Variants in PDE9A observed in about 807,000 individuals in gnomAD.
The protein encoded by PDE9A is phosphodiesterase 9A, also known as high affinity cGMP-specific 3',5'-cyclic phosphodiesterase 9A.
A neutral mutation model predicts 87.4 loss-of-function variants in PDE9A; 60 were observed. The ratio of observed to expected loss-of-function variants is 0.69; its 90% CI spans 0.56 to 0.85. PDE9A has a LOEUF of 0.85. Among genes scored for constraint, PDE9A ranks in the 40% least tolerant of loss-of-function variants. The pLI is 0.00. For missense variants in PDE9A, 665 were observed against 779.0 expected (o/e 0.85, Z 1.74); for synonymous variants, 272 against 279.4 (o/e 0.97, Z 0.27).
rs373989278 is a variant in PDE9A at position 42,705,354 on chromosome 21, G to A, written c.262+6343G>A. On this transcript the variant is annotated intron_variant, in intron 4 of 19. Transcript: ENST00000291539. The surrounding 1 kb of genome is among the most constrained non-coding windows in gnomAD (Gnocchi z 4.3). ...CAATCACTTTTATTTGATGTAAGCC[G>A]CTCAAACTCAAAGAGTGTTGTTTTC... Among the ~76,000 whole-genome samples the A allele has an allele frequency of 1.3e-4, 20 of 152,116 alleles. No homozygotes were observed. Among genetic ancestry groups the A allele is most frequent in the African/African-American group, 3.6e-4 (15 of 41,418 alleles).
chr21:42,699,879 A>G (rs747076576), intron 4 of PDE9A, among the ~76,000 whole-genome samples: 16 of 152,230 alleles, frequency 1.1e-4, no homozygotes, highest in East Asian at 7.7e-4. Flanking sequence ...TTTCCATTTG[A>G]TTTTTATCAC....
rs376535293 is a variant in PDE9A at position 42,696,632 on chromosome 21, C to A, written c.219-2336C>A. Among the ~76,000 whole-genome samples, 1 of 152,172 alleles carries A rather than the reference C, an allele frequency of 6.6e-6. No homozygotes were observed. Among genetic ancestry groups the A allele is most frequent in the Non-Finnish European group, 1.5e-5 (1 of 68,012 alleles). ...GGATCCAAGAGGAGCCCAGCACACC[C>A]GGCTTCTCTGCTGCCCACCCTCCAC... On this transcript the variant is annotated intron_variant, in intron 3 of 19. Coordinates refer to ENST00000291539, the MANE Select transcript of PDE9A (RefSeq NM_002606.3). This position sits in a 1 kb window ranked among gnomAD's most constrained non-coding sequence, Gnocchi z 5.1.
At chr21:42,724,690 T>C (rs1253013482) in intron 4 of PDE9A, 2 of 679,782 alleles carry the variant, frequency 2.9e-6, no homozygotes, top group Admixed American at 1.3e-4. Flanking sequence ...GAGCGCAGCT[T>C]TGTGTCTGTA....
chr21:42,670,011 G>A (rs1389884689), intron 1 of PDE9A, among the ~76,000 whole-genome samples: 1 of 152,004 alleles, frequency 6.6e-6, no homozygotes, highest in African/African-American at 2.4e-5. Flanking sequence ...CAGATGCATG[G>A]CAATAAAAGG....
At chr21:42,665,283 A>AGATAAACCTCTGTGGTTTCAT (rs1397803825) in intron 1 of PDE9A, among the ~76,000 whole-genome samples, 1 of 152,176 alleles carries the variant, frequency 6.6e-6, no homozygotes, top group Non-Finnish European at 1.5e-5. Flanking sequence ...GAGCCAAGAG[A>AGATAAACCTCTGTGGTTTCAT]GATAAACCTC....
intron 4 of PDE9A, among the ~76,000 whole-genome samples, chr21:42,708,237 C>T (rs930020472): frequency 2.0e-5 from 3 of 152,172 alleles, no homozygotes; most frequent in African/African-American, 4.8e-5. Flanking sequence ...TGTGTTCAGA[C>T]GGATTCCCCT....
chr21:42,704,433 A>AACATACACAC lies in PDE9A; in HGVS notation c.262+5425_262+5426insTACACACACA, dbSNP rs2048642586. On this transcript the variant is annotated intron_variant, in intron 4 of 19. Transcript: ENST00000291539. The surrounding 1 kb of genome is among the most constrained non-coding windows in gnomAD (Gnocchi z 5.3). ...CAGGTAGACCCCCCCCACCCCACCAAACACACACACACACACACACACACA... is the reference window on the plus strand; with the variant it reads ...CAGGTAGACCCCCCCCACCCCACCAAACATACACACACACACACACACACACACACACACA... Among the ~76,000 whole-genome samples, 1 of 137,040 alleles carries AACATACACAC rather than the reference A, an allele frequency of 7.3e-6. No homozygotes were observed. Among genetic ancestry groups the AACATACACAC allele is most frequent in the African/African-American group, 2.8e-5 (1 of 36,246 alleles). 89.9% of individuals were successfully genotyped at this position (137,040 alleles called of 152,430 possible). A position where few individuals can be genotyped will look rare whatever the true frequency, so the allele number is the denominator to read the frequency against.
chr21:42,743,756 G>A lies in PDE9A; in HGVS notation c.569-20G>A, dbSNP rs1010013432. The A allele has an allele frequency of 2.0e-6, 3 of 1,493,096 alleles. No individual in the cohort carries two copies. In the African/African-American group the frequency reaches 4.1e-5, roughly 21 times the overall value. The allele number at this position is 1,493,096 out of a possible 1,614,324, so 92.5% of individuals were successfully genotyped here. ...ATTCGTCCGTGGTAACCCCCTTGCT[G>A]TCTCTCTCTCTGTCACCAGTGGAAG... On this transcript the variant is annotated intron_variant, in intron 7 of 19. Transcript: ENST00000291539.
chr21:42,742,409 G>A (rs1203897833), intron 7 of PDE9A, among the ~76,000 whole-genome samples: 1 of 150,220 alleles, frequency 6.7e-6, no homozygotes, highest in African/African-American at 2.5e-5. Context: ...AGCCAGGAAT[G>A]CTGATTGATT....
intron 8 of PDE9A, among the ~76,000 whole-genome samples, chr21:42,744,882 G>C (rs531916434): frequency 6.6e-6 from 1 of 152,242 alleles, no homozygotes; most frequent in Non-Finnish European, 1.5e-5. Context: ...GCTGTGCTTA[G>C]TGAGGGGCAC....
intron 1 of PDE9A, among the ~76,000 whole-genome samples, chr21:42,684,564 G>A (rs570816261): frequency 2.5e-4 from 38 of 152,362 alleles, no homozygotes; most frequent in Admixed American, 1.6e-3. Flanking sequence ...CTCTGCAGGC[G>A]AGGCCAGGAA....
rs554548978 is a variant in PDE9A at position 42,690,012 on chromosome 21, A to G, written c.218+2018A>G. On this transcript the variant is annotated intron_variant, in intron 3 of 19. Transcript: ENST00000291539. ...GATGGAGACACACGCGGATGAGGAT[A>G]CAGGTGAAGAAGGTGGAGACAGACG... 1.4e-5 allele frequency: 14 copies of G among 985,474 alleles called. No homozygotes were observed. The African/African-American group carries it at 2.4e-4, about 17-fold the overall frequency. 61.0% of individuals were successfully genotyped at this position (985,474 alleles called of 1,614,324 possible). A position where few individuals can be genotyped will look rare whatever the true frequency, so the allele number is the denominator to read the frequency against.
At chr21:42,682,669 G>A (rs748071171) in intron 1 of PDE9A, among the ~76,000 whole-genome samples, 1 of 152,198 alleles carries the variant, frequency 6.6e-6, no homozygotes, top group Non-Finnish European at 1.5e-5. Flanking sequence ...ACCCTGGCCT[G>A]CCAGAGTAGA....
chr21:42,670,164 C>T (rs1258553138), intron 1 of PDE9A, among the ~76,000 whole-genome samples: 3 of 149,122 alleles, frequency 2.0e-5, no homozygotes, highest in African/African-American at 7.5e-5. Context: ...CACGCACACA[C>T]ATTCACACGC....
At chr21:42,753,130 C>G in intron 9 of PDE9A, among the ~76,000 whole-genome samples, 1 of 152,286 alleles carries the variant, frequency 6.6e-6, no homozygotes, top group Non-Finnish European at 1.5e-5. Context: ...CCTCAGGCTC[C>G]CAAGTAGCTG....
At chr21:42,663,668 C>T (rs979606346) in intron 1 of PDE9A, among the ~76,000 whole-genome samples, 3 of 152,184 alleles carry the variant, frequency 2.0e-5, no homozygotes, top group African/African-American at 4.8e-5. Context: ...CGTGATGTGC[C>T]GTCACTTGCA....
chr21:42,704,282 C>T lies in PDE9A; in HGVS notation c.262+5271C>T, dbSNP rs1023413794. Among the ~76,000 whole-genome samples, 5 of 152,162 alleles carry T rather than the reference C, an allele frequency of 3.3e-5. No homozygotes were observed. The highest frequency in any genetic ancestry group is 4.8e-5 in the African/African-American group (2 of 41,446). On this transcript the variant is annotated intron_variant, in intron 4 of 19. Transcript: ENST00000291539. This position sits in a 1 kb window ranked among gnomAD's most constrained non-coding sequence, Gnocchi z 5.3. Reference sequence around the variant, plus strand: ...CATTTTCCTAGCAGCGACAACCCCTCCCACATCTCCATAGTCACATCCTGG... The same window carrying T: ...CATTTTCCTAGCAGCGACAACCCCTTCCACATCTCCATAGTCACATCCTGG...
Position 42,698,854 on chromosome 21 carries a change from A to G in PDE9A, c.219-114A>G, listed in dbSNP as rs545201708. 6.2e-5 allele frequency: 38 copies of G among 613,350 alleles called. No individual in the cohort carries two copies. The African/African-American group carries it at 6.5e-4, about 10-fold the overall frequency. 38.0% of individuals were successfully genotyped at this position (613,350 alleles called of 1,614,324 possible). A position where few individuals can be genotyped will look rare whatever the true frequency, so the allele number is the denominator to read the frequency against. ...CTAATTTAAAAAATAAAAATAAATA[A>G]AAAGAACCACCTAATCCGCTGATTT... On this transcript the variant is annotated intron_variant, in intron 3 of 19. Coordinates refer to ENST00000291539, the MANE Select transcript of PDE9A (RefSeq NM_002606.3).
intron 16 of PDE9A, 108 bp downstream of exon 16, chr21:42,768,400 C>A: frequency 3.0e-6 from 3 of 1,011,822 alleles, no homozygotes; most frequent in Non-Finnish European, 4.4e-6. Flanking sequence ...ATTCCCCGGG[C>A]TGCCGACAGT....
Sources: allele counts gnomAD v4.1 joint callset (sites outside exome capture counted in the v4.1 genomes callset), GRCh38; gene constraint gnomAD v4.1.1; non-coding constraint Gnocchi (gnomAD v3.1); transcripts MANE v1.5; gene names NCBI Gene and HGNC (gene_info 2026-07-23, HGNC 2026-07-21).